Variants in STRADA observed in about 807,000 individuals in gnomAD.
The protein encoded by STRADA is STE20-related kinase adapter protein alpha.
Under a neutral mutation model 55.0 loss-of-function variants are expected in STRADA, and 26 were observed. The ratio of observed to expected loss-of-function variants is 0.47; its 90% CI spans 0.35 to 0.66. The LOEUF is 0.66. Among genes scored for constraint, STRADA ranks in the 30% least tolerant of loss-of-function variants. STRADA has a pLI of 0.01. For synonymous variants in STRADA, 197 were observed against 210.9 expected, an observed-to-expected ratio of 0.93 and a Z score of 0.57; for missense variants, 443 against 549.7, an observed-to-expected ratio of 0.81 and a Z score of 1.94.
intron 10 of STRADA, chr17:63,706,312 G>A (rs1436224569): frequency 4.9e-6 from 1 of 202,742 alleles, no homozygotes; most frequent in African/African-American, 2.3e-5. Flanking sequence ...ATCCAAGTAG[G>A]AGGACAGAAC....
intron 6 of STRADA, among the ~76,000 whole-genome samples, chr17:63,711,473 C>T (rs779316894): frequency 8.5e-5 from 13 of 152,178 alleles, no homozygotes; most frequent in African/African-American, 2.2e-4. Flanking sequence ...ACCTCAGCCT[C>T]GCTGGTAGCT....
chr17:63,705,047 A>G (rs1411884701), intron 10 of STRADA: 2 of 842,834 alleles, frequency 2.4e-6, no homozygotes, highest in Non-Finnish European at 3.8e-6. Flanking sequence ...ACACGGGAGC[A>G]AGATGCCCAA....
chr17:63,710,458 T>A (rs2036420611), intron 8 of STRADA, 33 bp downstream of exon 8: 7 of 1,612,146 alleles, frequency 4.3e-6, no homozygotes, highest in Non-Finnish European at 4.2e-6. Flanking sequence ...AGCTACCCAC[T>A]GTAATCATGG....
At chr17:63,730,929 A>C (rs992148163) in intron 1 of STRADA, among the ~76,000 whole-genome samples, 12 of 151,726 alleles carry the variant, frequency 7.9e-5, no homozygotes, top group African/African-American at 2.9e-4. Flanking sequence ...GGTGTGAGCC[A>C]CTGCGCCTGG....
At chr17:63,706,141 G>A (rs1286170279) in intron 10 of STRADA, 1 of 152,672 alleles carries the variant, frequency 6.5e-6, no homozygotes, top group Non-Finnish European at 1.5e-5. Flanking sequence ...CTGTGCCACT[G>A]ACTGTGCACC....
rs193108700 is a variant in STRADA, at chr17:63,707,703, G to A, written c.582-285C>T. Among the ~76,000 whole-genome samples the A allele has an allele frequency of 3.1e-3, 475 of 151,974 alleles. 6 individuals are homozygous for A. Among genetic ancestry groups the A allele is most frequent in the African/African-American group, 0.011 (463 of 41,454 alleles). On this transcript the variant is annotated intron_variant, in intron 8 of 12. Coordinates refer to ENST00000336174, the MANE Select transcript of STRADA (RefSeq NM_001003787.4). ...GCCAACCAAGTAGCTGGGATTACAG[G>A]TGTGCACCACCACACCCAGCTAATT... is the stretch of plus-strand genomic sequence containing the variant.
At chr17:63,703,786 G>A in intron 12 of STRADA, 35 bp from the exon 13 acceptor site, 1 of 1,611,116 alleles carries the variant, frequency 6.2e-7, no homozygotes, top group African/African-American at 1.3e-5. Flanking sequence ...GACAGATCCT[G>A]TTGCTCTGGG....
chr17:63,710,965 C>T (rs966565198), intron 6 of STRADA, 129 bp from the exon 7 acceptor site: 1 of 788,862 alleles, frequency 1.3e-6, no homozygotes, highest in Admixed American at 2.6e-5. Context: ...ATGGGAACAG[C>T]CTAAGCAGGT....
chr17:63,713,615 AAAAG>A, intron 5 of STRADA, 88 bp from the exon 6 acceptor site: 1 of 1,534,540 alleles, frequency 6.5e-7, no homozygotes, highest in Non-Finnish European at 8.8e-7. Flanking sequence ...ACTTGATTTC[AAAAG>A]AAACTTAATG....
In STRADA at chr17:63,707,291, T is replaced by C. The variant is rs141993862; in HGVS notation, c.709A>G (p.Ser237Gly). ...QRVVHDFPKY[S>G]VKVLPWLSPE... Reference sequence around the variant, plus strand: ...CTGAGCCACGGCAGAACCTTGACACTGTACTTGGGAAAATCGTGGACCACT... The same window carrying C: ...CTGAGCCACGGCAGAACCTTGACACCGTACTTGGGAAAATCGTGGACCACT... Residue 237 changes from serine to glycine, a missense_variant, in exon 9 of 13, where the codon AGT (serine) becomes GGT (glycine). Transcript: ENST00000336174. The C allele has an allele frequency of 2.5e-6, 4 of 1,614,032 alleles. No homozygotes were observed. In the African/African-American group the frequency reaches 4.0e-5, roughly 16 times the overall value.
rs376364178 is a variant in STRADA, at chr17:63,705,139, C to T, written c.859-557G>A. On this transcript the variant is annotated intron_variant, in intron 10 of 12. Coordinates refer to ENST00000336174, the MANE Select transcript of STRADA (RefSeq NM_001003787.4). Reference sequence around the variant, plus strand: ...CAGCCCCACCTGGGACTGCTGTCCTCGTGGAAGTCCTCATGACCGCATAAG... The same window carrying T: ...CAGCCCCACCTGGGACTGCTGTCCTTGTGGAAGTCCTCATGACCGCATAAG... The T allele has an allele frequency of 4.6e-3, 2,733 of 597,976 alleles. 58 individuals carry two copies. Among genetic ancestry groups the T allele is most frequent in the South Asian group, 0.023 (1,153 of 50,830 alleles). 37.0% of individuals were successfully genotyped at this position (597,976 alleles called of 1,614,324 possible). A position where few individuals can be genotyped will look rare whatever the true frequency, so the allele number is the denominator to read the frequency against.
chr17:63,703,541 A>G lies in STRADA; in HGVS notation c.*58T>C. The G allele has an allele frequency of 6.6e-7, 1 of 1,526,208 alleles. No homozygotes were observed. 94.5% of individuals were successfully genotyped at this position (1,526,208 alleles called of 1,614,324 possible). On this transcript the variant is annotated 3_prime_UTR_variant, in exon 13 of 13. Coordinates refer to ENST00000336174, the MANE Select transcript of STRADA (RefSeq NM_001003787.4). ...GCGGGAATGTGGCCGGCCCTCAGGA[A>G]GGGCCTCTGGGTGGCCTCTGCATCC...
rs550754477 is a variant in STRADA at position 63,738,487 on chromosome 17, C to T, written c.-45+3254G>A. 2.6e-5 allele frequency among the ~76,000 whole-genome samples: 4 copies of T among 152,250 alleles called. No individual in the cohort carries two copies. The South Asian group carries it at 8.3e-4, about 32-fold the overall frequency. ...AGCTTCACTAGTCATTTCTCTGTCT[C>T]TCCTGTCAGTGGAAAGTCTAAACAT... is the stretch of plus-strand genomic sequence containing the variant. On this transcript the variant is annotated intron_variant, in intron 1 of 12. Coordinates refer to ENST00000336174, the MANE Select transcript of STRADA (RefSeq NM_001003787.4).
At chr17:63,721,758 C>T (rs1211675984) in intron 4 of STRADA, among the ~76,000 whole-genome samples, 1 of 151,644 alleles carries the variant, frequency 6.6e-6, no homozygotes, top group African/African-American at 2.4e-5. Flanking sequence ...CTTTATGAAA[C>T]TGGCAATATG....
At chr17:63,734,809 T>C (rs2038299263) in intron 1 of STRADA, among the ~76,000 whole-genome samples, 1 of 152,116 alleles carries the variant, frequency 6.6e-6, no homozygotes, top group Non-Finnish European at 1.5e-5. Context: ...GTTTCAAAGA[T>C]AGTAAAGATT....
rs1309095081 is a variant in STRADA, at chr17:63,740,107, T to TATATATATATATACACAC, written c.-45+1633_-45+1634insGTGTGTATATATATATAT. On this transcript the variant is annotated intron_variant, in intron 1 of 12. Coordinates refer to ENST00000336174, the MANE Select transcript of STRADA (RefSeq NM_001003787.4). ...AACACTATATATATATATATATATA[T>TATATATATATATACACAC]ACATACATACATATATATATACACA... 3.6e-4 allele frequency among the ~76,000 whole-genome samples: 18 copies of TATATATATATATACACAC among 49,648 alleles called. 1 individual carries two copies. Among genetic ancestry groups the TATATATATATATACACAC allele is most frequent in the Admixed American group, 1.2e-3 (6 of 4,894 alleles). The allele number at this position is 49,648 out of a possible 152,430, so 32.6% of individuals were successfully genotyped here. A position where few individuals can be genotyped will look rare whatever the true frequency, so the allele number is the denominator to read the frequency against.
chr17:63,728,615 C>A (rs1490875902), intron 1 of STRADA, among the ~76,000 whole-genome samples: 1 of 151,726 alleles, frequency 6.6e-6, no homozygotes, highest in Non-Finnish European at 1.5e-5. Context: ...TCTGTAATTT[C>A]TGGCCAGATG....
At chr17:63,726,821 C>A (rs2037696171) in intron 2 of STRADA, 126 bp from the exon 3 acceptor site, 2 of 884,818 alleles carry the variant, frequency 2.3e-6, no homozygotes, top group South Asian at 1.7e-5. Context: ...AGTTAGGAAT[C>A]ATTTCTATGG....
At chr17:63,736,770 A>AT (rs1000903651) in intron 1 of STRADA, among the ~76,000 whole-genome samples, 25 of 151,902 alleles carry the variant, frequency 1.6e-4, no homozygotes, top group African/African-American at 4.6e-4. Flanking sequence ...ATATCATGAA[A>AT]TATACAGATT....
Sources: allele counts gnomAD v4.1 joint callset (sites outside exome capture counted in the v4.1 genomes callset), GRCh38; gene constraint gnomAD v4.1.1; transcripts MANE v1.5; gene names NCBI Gene and HGNC (gene_info 2026-07-23, HGNC 2026-07-21).